The following TMPRSS15 variants were observed in gnomAD, a reference collection of about 807,000 sequenced individuals.
TMPRSS15 encodes enteropeptidase.
Under a neutral mutation model 125.3 loss-of-function variants are expected in TMPRSS15, and 128 were observed. The ratio of observed to expected loss-of-function variants is 1.02; its 90% CI spans 0.89 to 1.18. The LOEUF is 1.18. TMPRSS15 is among the 50% of genes most tolerant of loss of function. TMPRSS15 has a pLI of 0.00. For synonymous variants in TMPRSS15, 446 were observed against 423.2 expected (o/e 1.05, Z -0.66); for missense variants, 1,283 against 1,212.7 (o/e 1.06, Z -0.86).
At chr21:18,335,522 G>T (rs990117648) in intron 13 of TMPRSS15, among the ~76,000 whole-genome samples, 2 of 152,172 alleles carry the variant, frequency 1.3e-5, no homozygotes, top group African/African-American at 4.8e-5. Flanking sequence ...TGTCAAGGCA[G>T]GCAGTTTACT....
intron 10 of TMPRSS15, among the ~76,000 whole-genome samples, chr21:18,347,795 A>G (rs1344499652): frequency 6.6e-6 from 1 of 152,182 alleles, no homozygotes; most frequent in African/African-American, 2.4e-5. Context: ...CTTCCTTGAA[A>G]TGTTTTCTAG....
rs147415947 is a variant in TMPRSS15, at chr21:18,390,883, C to T, written c.344+6996G>A. ...TTACAGTTCCACATGGCTGGGGAGG[C>T]CTCAGAAACTTACAATCAGGTTGGA... is the stretch of plus-strand genomic sequence containing the variant. On this transcript the variant is annotated intron_variant, in intron 3 of 24. Coordinates refer to ENST00000284885, the MANE Select transcript of TMPRSS15 (RefSeq NM_002772.3). Among the ~76,000 whole-genome samples, 9 of 152,150 alleles carry T rather than the reference C, an allele frequency of 5.9e-5. No homozygotes were observed. The South Asian group carries it at 1.5e-3, about 25-fold the overall frequency.
intron 21 of TMPRSS15, among the ~76,000 whole-genome samples, chr21:18,281,915 G>C (rs1002806007): frequency 1.3e-5 from 2 of 151,888 alleles, no homozygotes; most frequent in East Asian, 3.9e-4. Context: ...GGTTAACACG[G>C]TGAAACCCCG....
At position 18,365,879 on chromosome 21, in the gene TMPRSS15, C is replaced by A. The variant is rs116716310; in HGVS notation, c.665-631G>T. Reference sequence around the variant, plus strand: ...CCTCCGGAGTAGCTGGGATTACAGGCGGCGGTCACCACGCCCGGATAATTT... The same window carrying A: ...CCTCCGGAGTAGCTGGGATTACAGGAGGCGGTCACCACGCCCGGATAATTT... On this transcript the variant is annotated intron_variant, in intron 6 of 24. Transcript: ENST00000284885. Among the ~76,000 whole-genome samples the A allele has an allele frequency of 4.8e-3, 717 of 150,766 alleles. 7 individuals are homozygous for A. The highest frequency in any genetic ancestry group is 0.017 in the African/African-American group (684 of 41,008).
intron 1 of TMPRSS15, among the ~76,000 whole-genome samples, chr21:18,481,059 C>T (rs1978971537): frequency 6.6e-6 from 1 of 151,820 alleles, no homozygotes; most frequent in African/African-American, 2.4e-5. Context: ...AGAGTAATGC[C>T]TGATACAATG....
At chr21:18,380,399 C>T (rs2075882095) in intron 4 of TMPRSS15, 3 of 349,814 alleles carry the variant, frequency 8.6e-6, no homozygotes, top group Non-Finnish European at 1.2e-5. Flanking sequence ...TATGTTATTC[C>T]TAACCAATAT....
intron 16 of TMPRSS15, among the ~76,000 whole-genome samples, chr21:18,323,513 A>G (rs1191725604): frequency 2.0e-5 from 3 of 152,140 alleles, no homozygotes; most frequent in Non-Finnish European, 4.4e-5. Context: ...GGTCCCTCCC[A>G]CAACACATGG....
At chr21:18,372,381 T>C in intron 5 of TMPRSS15, 57 bp from the exon 6 acceptor site, 1 of 1,557,030 alleles carries the variant, frequency 6.4e-7, no homozygotes, top group Non-Finnish European at 8.8e-7. Context: ...AATGTTTAAA[T>C]ATTTAATAGG....
In TMPRSS15 at chr21:18,354,952, G is replaced by A. The variant is rs372120257; in HGVS notation, c.881-1089C>T. On this transcript the variant is annotated intron_variant, in intron 8 of 24. Coordinates refer to ENST00000284885, the MANE Select transcript of TMPRSS15 (RefSeq NM_002772.3). ...CTATTAGATATCTTGTGATTATGTAGTAATTAGGAAACAATGTGATACATA... is the reference window on the plus strand; with the variant it reads ...CTATTAGATATCTTGTGATTATGTAATAATTAGGAAACAATGTGATACATA... 5.3e-5 allele frequency among the ~76,000 whole-genome samples: 8 copies of A among 151,832 alleles called. No homozygotes were observed. In the South Asian group the frequency reaches 1.7e-3, roughly 32 times the overall value.
intron 1 of TMPRSS15, among the ~76,000 whole-genome samples, chr21:18,462,515 TAAGG>T (rs895279182): frequency 6.6e-6 from 1 of 151,966 alleles, no homozygotes; most frequent in African/African-American, 2.4e-5. Flanking sequence ...TGGCCATATA[TAAGG>T]AAAGAACACC....
At chr21:18,433,126 T>A (rs2076219853) in intron 1 of TMPRSS15, among the ~76,000 whole-genome samples, 1 of 152,188 alleles carries the variant, frequency 6.6e-6, no homozygotes, top group South Asian at 2.1e-4. Flanking sequence ...ATGCTGACAC[T>A]GAACATACCT....
chr21:18,385,088 T>A (rs1390833845), intron 3 of TMPRSS15, among the ~76,000 whole-genome samples: 1 of 152,146 alleles, frequency 6.6e-6, no homozygotes, highest in Non-Finnish European at 1.5e-5. Flanking sequence ...GATATAATAT[T>A]TTTGATATAA....
chr21:18,413,348 C>CTTCCTTCCT (rs1444432467), intron 1 of TMPRSS15, among the ~76,000 whole-genome samples: 99 of 131,464 alleles, frequency 7.5e-4, no homozygotes, highest in African/African-American at 2.8e-3. Context: ...TCCTTCCTTC[C>CTTCCTTCCT]TTCCTTCCTT....
chr21:18,349,060 G>A (rs1176328441), intron 10 of TMPRSS15, among the ~76,000 whole-genome samples: 1 of 152,144 alleles, frequency 6.6e-6, no homozygotes, highest in Admixed American at 6.5e-5. Flanking sequence ...TCCAGGGTCT[G>A]TATTTCAATG....
intron 6 of TMPRSS15, among the ~76,000 whole-genome samples, chr21:18,365,497 T>C (rs1342815377): frequency 6.6e-6 from 1 of 151,690 alleles, no homozygotes; most frequent in Non-Finnish European, 1.5e-5. Context: ...TCCTTCCTTT[T>C]CCCTTGCTTC....
chr21:18,384,127 T>C (rs2075920488), intron 3 of TMPRSS15, among the ~76,000 whole-genome samples: 2 of 152,132 alleles, frequency 1.3e-5, no homozygotes, highest in Admixed American at 6.5e-5. Context: ...ATTTTACTGT[T>C]TGGAGAAAAG....
At chr21:18,311,759 T>C (rs28637313) in intron 18 of TMPRSS15, among the ~76,000 whole-genome samples, 17,974 of 152,132 alleles carry the variant, frequency 0.12, 1,190 homozygotes, top group Admixed American at 0.22. Context: ...AGAAAGGAAC[T>C]CAGTATATCA....
At chr21:18,412,186 A>C (rs2076167613) in intron 1 of TMPRSS15, among the ~76,000 whole-genome samples, 1 of 152,124 alleles carries the variant, frequency 6.6e-6, no homozygotes, top group Non-Finnish European at 1.5e-5. Context: ...TTACTTTTTA[A>C]CTTTAATAAT....
In TMPRSS15 at chr21:18,294,032, A is replaced by G. The variant is rs535717088; in HGVS notation, c.2486+238T>C. Among the ~76,000 whole-genome samples the G allele has an allele frequency of 7.2e-5, 11 of 152,384 alleles. No individual in the cohort carries two copies. In the East Asian group the frequency reaches 2.1e-3, roughly 29 times the overall value. On this transcript the variant is annotated intron_variant, in intron 21 of 24. Transcript: ENST00000284885. ...GTATGTAAAAGTGTAAAAAGATCTAATGATGTAATATCTAATGTAGAAGAA... is the reference window on the plus strand; with the variant it reads ...GTATGTAAAAGTGTAAAAAGATCTAGTGATGTAATATCTAATGTAGAAGAA...
Sources: allele counts gnomAD v4.1 joint callset (sites outside exome capture counted in the v4.1 genomes callset), GRCh38; gene constraint gnomAD v4.1.1; transcripts MANE v1.5; gene names NCBI Gene and HGNC (gene_info 2026-07-23, HGNC 2026-07-21).